The following SYTL5 variants were observed in gnomAD, a reference collection of about 807,000 sequenced individuals.
SYTL5 encodes the protein synaptotagmin-like protein 5.
SYTL5 carries 34 observed loss-of-function variants against 55.9 expected under a neutral mutation model. That is an observed-to-expected ratio of 0.61 (90% CI 0.46 to 0.81). The LOEUF is 0.81. Among genes scored for constraint, SYTL5 ranks in the 30% least tolerant of loss-of-function variants. SYTL5 has a pLI of 0.00. For missense variants in SYTL5, 637 were observed against 546.7 expected (o/e 1.17, Z -1.65); for synonymous variants, 221 against 188.7 (o/e 1.17, Z -1.40).
chrX:38,101,927 G>A (rs1482103505), intron 9 of SYTL5, among the ~76,000 whole-genome samples: 1 of 109,735 alleles, frequency 9.1e-6, no homozygotes, highest in African/African-American at 3.3e-5. Context: ...GTTCATCCTA[G>A]TGGAGAGATT....
chrX:38,110,551 C>A, intron 13 of SYTL5, 69 bp downstream of exon 13: 2 of 896,221 alleles, frequency 2.2e-6, no homozygotes, highest in Non-Finnish European at 3.0e-6. Flanking sequence ...ATGTCACAGA[C>A]CTAAAGAACT....
the SYTL5 span, among the ~76,000 whole-genome samples, chrX:37,905,044 C>T: frequency 2.7e-5 from 3 of 111,089 alleles, no homozygotes; most frequent in Non-Finnish European, 3.8e-5. Context: ...AGTCAGAATT[C>T]CCATGCCATG....
intron 2 of SYTL5, among the ~76,000 whole-genome samples, chrX:38,041,491 CA>C (rs1444984704): frequency 4.0e-4 from 45 of 111,916 alleles, no homozygotes; most frequent in African/African-American, 1.3e-3. Context: ...AGAATTGCCA[CA>C]AAGCTTCTTA....
At chrX:37,954,834 C>A in the SYTL5 span, among the ~76,000 whole-genome samples, 1 of 111,599 alleles carries the variant, frequency 9.0e-6, no homozygotes, top group South Asian at 3.8e-4. Flanking sequence ...TTTGGTGTCA[C>A]TATGAAGCTA....
chrX:37,918,472 G>A, the SYTL5 span, among the ~76,000 whole-genome samples: 6 of 112,080 alleles, frequency 5.4e-5, no homozygotes, highest in Non-Finnish European at 7.5e-5. Flanking sequence ...AGATATATTA[G>A]CAAACCCAGC....
intron 2 of SYTL5, among the ~76,000 whole-genome samples, chrX:38,037,527 T>C (rs1935140902): frequency 8.9e-6 from 1 of 111,838 alleles, no homozygotes; most frequent in Non-Finnish European, 1.9e-5. Flanking sequence ...TTCATTTGAT[T>C]TACAAGCTAT....
chrX:38,068,891 G>A lies in SYTL5; in HGVS notation c.330-3156G>A, dbSNP rs149338580. On this transcript the variant is annotated intron_variant, in intron 3 of 16. Transcript: ENST00000297875. ...CACAATATACCCACGTAACAAACCT[G>A]TACATGTACCCTATTAATCTAAAAT... 6.0e-3 allele frequency among the ~76,000 whole-genome samples: 673 copies of A among 111,325 alleles called. 8 individuals are homozygous for A. Among genetic ancestry groups the A allele is most frequent in the African/African-American group, 0.021 (643 of 30,659 alleles).
At chrX:38,009,744 T>C (rs750230132) in intron 1 of SYTL5, among the ~76,000 whole-genome samples, 1 of 111,572 alleles carries the variant, frequency 9.0e-6, no homozygotes, top group African/African-American at 3.3e-5. Context: ...CCCAGAATCA[T>C]TGGGGTAGTG....
chrX:37,966,365 C>T, the SYTL5 span, among the ~76,000 whole-genome samples: 12 of 109,918 alleles, frequency 1.1e-4, no homozygotes, highest in South Asian at 3.9e-4. Flanking sequence ...ATGTATATCA[C>T]GTACAAAAAC....
chrX:38,072,886 A>C (rs1936302238), intron 4 of SYTL5, among the ~76,000 whole-genome samples: 1 of 112,242 alleles, frequency 8.9e-6, no homozygotes, highest in Non-Finnish European at 1.9e-5. Context: ...TAAAAGCGGA[A>C]GAAACATCTT....
chrX:37,959,341 G>A, the SYTL5 span, among the ~76,000 whole-genome samples: 1 of 111,944 alleles, frequency 8.9e-6, no homozygotes. Context: ...TTGTCATTGC[G>A]GCCGGCCCTG....
the SYTL5 span, among the ~76,000 whole-genome samples, chrX:37,899,077 A>G: frequency 1.8e-5 from 2 of 112,657 alleles, no homozygotes; most frequent in Non-Finnish European, 3.7e-5. Flanking sequence ...AGAATTTTGA[A>G]TAAGAATCTT....
At chrX:38,047,526 C>T (rs866222285) in intron 2 of SYTL5, among the ~76,000 whole-genome samples, 21 of 112,708 alleles carry the variant, frequency 1.9e-4, no homozygotes, top group South Asian at 1.1e-3. Context: ...CTGGGCCCTG[C>T]CCATGAAACC....
intron 1 of SYTL5, among the ~76,000 whole-genome samples, chrX:38,017,778 C>T (rs1934408888): frequency 2.8e-5 from 3 of 108,852 alleles, no homozygotes. Flanking sequence ...TATATACCTT[C>T]TAAGCTATAT....
chrX:37,995,508 CT>C, the SYTL5 span, among the ~76,000 whole-genome samples: 15 of 112,145 alleles, frequency 1.3e-4, no homozygotes, highest in African/African-American at 4.9e-4. Flanking sequence ...TGGATGATTC[CT>C]TATGGAGAGC....
intron 5 of SYTL5, among the ~76,000 whole-genome samples, chrX:38,074,367 C>T (rs1936337778): frequency 8.9e-6 from 1 of 111,734 alleles, no homozygotes; most frequent in Non-Finnish European, 1.9e-5. Flanking sequence ...GTTTTTGTGA[C>T]TGAAGTAGTG....
In SYTL5 at chrX:38,112,139, G is replaced by A. The variant is rs753908265; in HGVS notation, c.1596+1657G>A. On this transcript the variant is annotated intron_variant, in intron 13 of 16. Coordinates refer to ENST00000297875, the MANE Select transcript of SYTL5 (RefSeq NM_138780.3). ...ATGGGTCCTCTGCCAGATACCCTTA[G>A]GTTCCTAACCATGTCTTTTAGGAGA... Among the ~76,000 whole-genome samples the A allele has an allele frequency of 1.2e-3, 130 of 111,602 alleles. 2 individuals carry two copies. Among genetic ancestry groups the A allele is most frequent in the African/African-American group, 4.2e-3 (129 of 30,655 alleles).
chrX:38,031,595 T>C (rs1033357870), intron 1 of SYTL5, among the ~76,000 whole-genome samples: 4 of 112,399 alleles, frequency 3.6e-5, no homozygotes, highest in African/African-American at 1.3e-4. Context: ...AGTCTAAGTC[T>C]GACATTTCAA....
intron 1 of SYTL5, among the ~76,000 whole-genome samples, chrX:38,031,408 G>T (rs1177869440): frequency 9.0e-6 from 1 of 111,264 alleles, no homozygotes; most frequent in African/African-American, 3.3e-5. Context: ...TGCTACCCAT[G>T]GTGTTACTTC....
Sources: allele counts gnomAD v4.1 joint callset (sites outside exome capture counted in the v4.1 genomes callset), GRCh38; gene constraint gnomAD v4.1.1; transcripts MANE v1.5; gene names NCBI Gene and HGNC (gene_info 2026-07-23, HGNC 2026-07-21).